Variants in XIAP observed in about 807,000 individuals in gnomAD.
The protein encoded by XIAP is X-linked inhibitor of apoptosis.
Under a neutral mutation model 33.1 loss-of-function variants are expected in XIAP, and 3 were observed. The observed-to-expected ratio is 0.09, with a 90% CI of 0.04 to 0.23. The LOEUF (loss-of-function observed/expected upper bound fraction) is 0.23, where lower values mean the gene tolerates loss of function less well. XIAP is among the 10% of genes least tolerant of loss of function. The pLI is 1.00. For synonymous variants in XIAP, 98 were observed against 121.3 expected, an observed-to-expected ratio of 0.81 and a Z score of 1.26; for missense variants, 264 against 363.0, an observed-to-expected ratio of 0.73 and a Z score of 2.22.
Position 123,886,211 on chromosome X carries a change from G to A in XIAP, c.549G>A (p.Glu183=), listed in dbSNP as rs1308704581. 26 of 1,210,495 alleles carry A rather than the reference G, an allele frequency of 2.1e-5. No individual in the cohort carries two copies. Among genetic ancestry groups the A allele is most frequent in the Non-Finnish European group, 2.9e-5 (26 of 895,441 alleles). The part of the protein sequence containing the change: ...WPDYAHLTPR[E]LASAGLYYTG... ...ACTATGCTCACCTAACCCCAAGAGA[G>A]TTAGCAAGTGCTGGACTCTACTACA... Residue 183 remains glutamate (E), a synonymous_variant, in exon 2 of 7, where the codon GAG becomes GAA. Transcript: ENST00000371199.
intron 2 of XIAP, among the ~76,000 whole-genome samples, chrX:123,887,626 C>G (rs1238357233): frequency 8.9e-6 from 1 of 111,838 alleles, no homozygotes; most frequent in Non-Finnish European, 1.9e-5. Flanking sequence ...TGAAACATAA[C>G]TTGTTTTAAA....
chrX:123,890,102 C>T (rs1360179862), intron 3 of XIAP, among the ~76,000 whole-genome samples: 54 of 89,619 alleles, frequency 6.0e-4, no homozygotes, highest in African/African-American at 1.8e-3. Flanking sequence ...CTGCAAGCTC[C>T]GCCTCCCGGG....
intron 1 of XIAP, among the ~76,000 whole-genome samples, chrX:123,876,755 A>G (rs892703208): frequency 1.8e-5 from 2 of 111,539 alleles, no homozygotes; most frequent in African/African-American, 6.5e-5. Context: ...AGTAAACTCT[A>G]CCCATCAGTG....
At position 123,910,467 on chromosome X, in the gene XIAP, C is replaced by T. The variant is rs1013778404; in HGVS notation, c.*3286C>T. 1 of 329,319 alleles carries T rather than the reference C, an allele frequency of 3.0e-6. No individual in the cohort carries two copies. The highest frequency in any genetic ancestry group is 9.7e-5 in the East Asian group (1 of 10,337). The allele number at this position is 329,319 out of a possible 1,213,427, so 27.1% of individuals were successfully genotyped here. ...TTTCACATGATATACCCTTTAAACC[C>T]GAATCATTGTTTTATTTCCTGATTA... On this transcript the variant is annotated 3_prime_UTR_variant, in exon 7 of 7. Coordinates refer to ENST00000371199, the MANE Select transcript of XIAP (RefSeq NM_001167.4).
Position 123,875,871 on chromosome X carries a change from A to G in XIAP, c.-32-9760A>G, listed in dbSNP as rs1255941358. ...TGACTAATTTTTGTATTTTTAGTAGAGACGGTGTTTCACCATGTTGGCCAG... is the reference window on the plus strand; with the variant it reads ...TGACTAATTTTTGTATTTTTAGTAGGGACGGTGTTTCACCATGTTGGCCAG... On this transcript the variant is annotated intron_variant, in intron 1 of 6. Coordinates refer to ENST00000371199, the MANE Select transcript of XIAP (RefSeq NM_001167.4). Among the ~76,000 whole-genome samples the G allele has an allele frequency of 4.5e-5, 5 of 111,232 alleles. No individual in the cohort carries two copies. In the Admixed American group the frequency reaches 4.8e-4, roughly 11 times the overall value.
At chrX:123,878,196 T>A (rs1334960185) in intron 1 of XIAP, among the ~76,000 whole-genome samples, 1 of 111,812 alleles carries the variant, frequency 8.9e-6, no homozygotes, top group Non-Finnish European at 1.9e-5. Flanking sequence ...CCAAAGTTTA[T>A]GCAGTTACCA....
chrX:123,868,315 A>G (rs1441597211), intron 1 of XIAP, among the ~76,000 whole-genome samples: 1 of 111,679 alleles, frequency 9.0e-6, no homozygotes, highest in Non-Finnish European at 1.9e-5. Flanking sequence ...ACAAGCAAAC[A>G]AACAAACAAA....
chrX:123,871,981 A>T (rs1333478500), intron 1 of XIAP, among the ~76,000 whole-genome samples: 1 of 110,416 alleles, frequency 9.1e-6, no homozygotes, highest in Non-Finnish European at 1.9e-5. Context: ...CGTGCCTGTA[A>T]TCCCAGCTAC....
intron 6 of XIAP, 121 bp from the exon 7 acceptor site, chrX:123,906,867 C>T: frequency 1.2e-6 from 1 of 818,277 alleles, no homozygotes; most frequent in South Asian, 2.3e-5. Context: ...GGTGAGTCAT[C>T]CTCATATCTC....
chrX:123,862,577 G>T (rs1031572633), intron 1 of XIAP, among the ~76,000 whole-genome samples: 3 of 108,955 alleles, frequency 2.8e-5, no homozygotes, highest in Admixed American at 2.0e-4. Flanking sequence ...AGAAAAATTT[G>T]ACACCTGACG....
In XIAP at chrX:123,882,228, A is replaced by G. The variant is rs146045678; in HGVS notation, c.-32-3403A>G. ...TTCCTTTAAGTGATAGGAGGAACTC[A>G]TAATCTACAAGGCAACCCAATCCAT... On this transcript the variant is annotated intron_variant, in intron 1 of 6. Transcript: ENST00000371199. Among the ~76,000 whole-genome samples, 216 of 112,030 alleles carry G rather than the reference A, an allele frequency of 1.9e-3. 2 individuals carry two copies. The highest frequency in any genetic ancestry group is 6.7e-3 in the African/African-American group (206 of 30,875).
chrX:123,896,114 C>T (rs1480359974), intron 5 of XIAP, among the ~76,000 whole-genome samples: 1 of 109,599 alleles, frequency 9.1e-6, no homozygotes, highest in Admixed American at 9.9e-5. Flanking sequence ...GTCACCTGGG[C>T]TGGAGTGCAA....
chrX:123,866,488 A>AT (rs2053137015), intron 1 of XIAP, among the ~76,000 whole-genome samples: 2 of 72,522 alleles, frequency 2.8e-5, no homozygotes, highest in Admixed American at 1.8e-4. Context: ...TATATTATAT[A>AT]TGATTAATAT....
rs779839915 is a variant in XIAP at position 123,868,151 on chromosome X, G to A, written c.-33+7858G>A. Among the ~76,000 whole-genome samples the A allele has an allele frequency of 1.8e-4, 19 of 107,743 alleles. No individual in the cohort carries two copies. The East Asian group carries it at 4.2e-3, about 24-fold the overall frequency. 93.6% of individuals were successfully genotyped at this position (107,743 alleles called of 115,157 possible). A position where few individuals can be genotyped will look rare whatever the true frequency, so the allele number is the denominator to read the frequency against. ...AGCCTGGGCAACATCGTGAGACCCC[G>A]TCTCTACCAATAATAAAAAAATTAG... On this transcript the variant is annotated intron_variant, in intron 1 of 6. Transcript: ENST00000371199.
chrX:123,879,734 A>G (rs2148082157), intron 1 of XIAP, among the ~76,000 whole-genome samples: 1 of 112,135 alleles, frequency 8.9e-6, no homozygotes, highest in African/African-American at 3.2e-5. Flanking sequence ...AGTCTTGTCT[A>G]TAAGTATACA....
Position 123,892,732 on chromosome X carries a change from T to G in XIAP, c.1058T>G (p.Val353Gly). Residue 353 changes from valine (V) to glycine (G), a missense_variant and splice_region_variant, in exon 5 of 7, where the codon GTA (valine) becomes GGA (glycine). Val to Gly is a moderately radical substitution (Grantham distance 109). Transcript: ENST00000371199. ...TTACAGTTCCTATTTCTGTTACAGG[T>G]AAGAACTACTGAGAAAACACCATCA... is the stretch of plus-strand genomic sequence containing the variant. Reference protein sequence around the residue: ...HLTHSLEECLVRTTEKTPSLT... With the variant: ...HLTHSLEECLGRTTEKTPSLT... The G allele has an allele frequency of 8.3e-7, 1 of 1,200,037 alleles. No individual in the cohort carries two copies. Among genetic ancestry groups the G allele is most frequent in the Middle Eastern group, 2.4e-4 (1 of 4,230 alleles).
intron 2 of XIAP, among the ~76,000 whole-genome samples, chrX:123,887,629 G>T (rs150833974): frequency 3.2e-3 from 355 of 111,665 alleles, no homozygotes; most frequent in African/African-American, 0.011. Context: ...AACATAACTT[G>T]TTTTAAAATT....
intron 5 of XIAP, among the ~76,000 whole-genome samples, chrX:123,899,173 A>T (rs78684289): frequency 1.9e-5 from 1 of 51,747 alleles, no homozygotes; most frequent in African/African-American, 7.4e-5. Flanking sequence ...ATATGATTTT[A>T]TATATATATG....
chrX:123,869,330 C>G (rs2053171234), intron 1 of XIAP, among the ~76,000 whole-genome samples: 1 of 71,709 alleles, frequency 1.4e-5, no homozygotes, highest in Admixed American at 2.0e-4. Context: ...GCCTGACCAA[C>G]AGAGCAAAAC....
Sources: gnomAD v4.1 joint callset for allele counts (sites outside exome capture counted in the v4.1 genomes callset) on GRCh38, gnomAD v4.1.1 for gene constraint, MANE v1.5 for transcripts, NCBI Gene and HGNC (gene_info 2026-07-23, HGNC 2026-07-21) for gene names.